The following NDUFS2 variants were observed in gnomAD, a reference collection of about 807,000 sequenced individuals.
The protein encoded by NDUFS2 is NADH:ubiquinone oxidoreductase core subunit S2.
In NDUFS2, 38 loss-of-function variants were observed where a neutral mutation model predicts 69.6. The ratio of observed to expected loss-of-function variants is 0.55; its 90% CI spans 0.42 to 0.72. The LOEUF is 0.72. Among genes scored for constraint, NDUFS2 ranks in the 30% least tolerant of loss-of-function variants. The probability of loss-of-function intolerance (pLI) is 0.00; values close to 1 mark genes in which losing one functional copy is unlikely to be tolerated. For synonymous variants in NDUFS2, 194 were observed against 211.2 expected (o/e 0.92, Z 0.70); for missense variants, 468 against 595.0 (o/e 0.79, Z 2.22).
Position 161,203,097 on chromosome 1 carries a change from G to A in NDUFS2, c.96-340G>A, listed in dbSNP as rs1344458300. 4.6e-5 allele frequency among the ~76,000 whole-genome samples: 7 copies of A among 151,988 alleles called. No homozygotes were observed. In the East Asian group the frequency reaches 1.2e-3, roughly 25 times the overall value. On this transcript the variant is annotated intron_variant, in intron 1 of 13. Transcript: ENST00000676972. ...CTAGGCGGGCAGATCATCTGAGGTC[G>A]GGAGTTCGAGACCATCCTGACCAAA...
chr1:161,209,242 A>T lies in NDUFS2; in HGVS notation c.443A>T (p.Glu148Val). ...GACTATGTGTCCATGATGTGTAACG[A>T]ACAGGCCTATTCTCTAGCTGTGGAG... ...RLDYVSMMCN[E>V]QAYSLAVEKL... The change falls in exon 4 of 14, where the codon GAA becomes GTA. Residue 148 changes from glutamate (E) to valine (V), a missense_variant. Glu to Val is a moderately radical substitution (Grantham distance 121). Coordinates refer to ENST00000676972, the MANE Select transcript of NDUFS2 (RefSeq NM_001377299.1). 6.2e-7 allele frequency: 1 copy of T among 1,614,166 alleles called. No individual in the cohort carries two copies. The highest frequency in any genetic ancestry group is 1.1e-5 in the South Asian group (1 of 91,082).
rs1311302831 is a variant in NDUFS2, at chr1:161,202,399, G to A, written c.14G>A (p.Arg5Lys). MAAL[R>K]ALCGFRGVAA... is the part of the protein sequence containing the mutation. ...AGCCGGAGTAAGATGGCGGCGCTGA[G>A]GGCTTTGTGCGGCTTCCGGGGCGTC... Residue 5 changes from arginine (R) to lysine (K), a missense_variant, in exon 1 of 14, where the codon AGG becomes AAG. Physicochemically the swap from Arg to Lys is conservative, Grantham distance 26. Transcript: ENST00000676972. The A allele has an allele frequency of 6.8e-6, 11 of 1,612,246 alleles. No homozygotes were observed. Among genetic ancestry groups the A allele is most frequent in the Non-Finnish European group, 7.6e-6 (9 of 1,179,504 alleles).
chr1:161,198,825 G>A (rs1488778030), upstream of NDUFS2: 3 of 523,816 alleles, frequency 5.7e-6, no homozygotes, highest in African/African-American at 5.7e-5. The surrounding 1 kb of genome is among the most constrained non-coding windows in gnomAD (Gnocchi z 4.7). Flanking sequence ...AGGTGCCCAG[G>A]GGTCTGGCTT....
chr1:161,213,268 T>C, intron 10 of NDUFS2, 112 bp from the exon 11 acceptor site: 1 of 727,728 alleles, frequency 1.4e-6, no homozygotes, highest in Non-Finnish European at 2.5e-6. Flanking sequence ...GCTTACTGAC[T>C]GACATGTGGC....
In NDUFS2 at chr1:161,206,563, C is replaced by A; in HGVS notation, c.359C>A (p.Thr120Asn). Residue 120 changes from threonine to asparagine, a missense_variant, in exon 3 of 14, where the codon ACT (threonine) becomes AAT (asparagine). Transcript: ENST00000676972. ...CACATCGGGCTCCTGCACCGAGGCA[C>A]TGAGAAGCTCATTGAATACAAGACC... ...DPHIGLLHRG[T>N]EKLIEYKTYL... 6.2e-7 allele frequency: 1 copy of A among 1,614,058 alleles called. No individual in the cohort carries two copies. Among genetic ancestry groups the A allele is most frequent in the Non-Finnish European group, 8.5e-7 (1 of 1,180,028 alleles).
upstream of NDUFS2, chr1:161,202,264 A>G: frequency 1.0e-6 from 1 of 980,432 alleles, no homozygotes; most frequent in Non-Finnish European, 1.6e-6. Flanking sequence ...TTCGACGGTA[A>G]ACGACCCTGC....
chr1:161,202,337 G>C (rs1457696344), upstream of NDUFS2: 5 of 1,559,690 alleles, frequency 3.2e-6, no homozygotes, highest in Non-Finnish European at 4.4e-6. Flanking sequence ...AGGCGCGCTG[G>C]AGTTACTTCC....
chr1:161,202,080 G>C, upstream of NDUFS2: 1 of 476,018 alleles, frequency 2.1e-6, no homozygotes, highest in South Asian at 2.1e-5. Context: ...ACGCAGGCGG[G>C]CTCGGCGAGA....
chr1:161,212,267 T>C lies in NDUFS2; in HGVS notation c.987-84T>C, dbSNP rs1368514900. 13 of 1,573,232 alleles carry C rather than the reference T, an allele frequency of 8.3e-6. No homozygotes were observed. The Admixed American group carries it at 1.2e-4, about 14-fold the overall frequency. ...AGTGGGGAGAGTTGACCTAACCCTT[T>C]TGAGGTTGGCCAAAGGGCATCCTTC... On this transcript the variant is annotated intron_variant, in intron 9 of 13. Coordinates refer to ENST00000676972, the MANE Select transcript of NDUFS2 (RefSeq NM_001377299.1).
Position 161,202,735 on chromosome 1 carries a change from C to T in NDUFS2, c.95+255C>T, listed in dbSNP as rs10908826. On this transcript the variant is annotated intron_variant, in intron 1 of 13. Coordinates refer to ENST00000676972, the MANE Select transcript of NDUFS2 (RefSeq NM_001377299.1). ...GCTTCAGTAATTTGAATGCACCTCTCCTGTCATACCTGAGTAGAGCTCAGC... is the reference window on the plus strand; with the variant it reads ...GCTTCAGTAATTTGAATGCACCTCTTCTGTCATACCTGAGTAGAGCTCAGC... Among the ~76,000 whole-genome samples, 18,790 of 152,144 alleles carry T rather than the reference C, an allele frequency of 0.12. 1,464 individuals carry two copies. The highest frequency in any genetic ancestry group is 0.33 in the East Asian group (1,697 of 5,166).
At chr1:161,209,759 G>A in intron 5 of NDUFS2, 98 bp from the exon 6 acceptor site, 2 of 1,377,058 alleles carry the variant, frequency 1.5e-6, no homozygotes, top group South Asian at 1.2e-5. Flanking sequence ...ATCATGAGGG[G>A]TTGGTTGGGC....
rs1326995254 is a variant in NDUFS2, at chr1:161,209,481, A to G, written c.515-2A>G. 6.2e-7 allele frequency: 1 copy of G among 1,613,556 alleles called. No individual in the cohort carries two copies. Among genetic ancestry groups the G allele is most frequent in the Admixed American group, 1.7e-5 (1 of 59,968 alleles). ...TATCCTGTCTTCTCCTTGTCTTCACAGTGCTGTTTGGAGAAATCACACGTT... is the reference window on the plus strand; with the variant it reads ...TATCCTGTCTTCTCCTTGTCTTCACGGTGCTGTTTGGAGAAATCACACGTT... On this transcript the variant is annotated splice_acceptor_variant, in intron 4 of 13. Coordinates refer to ENST00000676972, the MANE Select transcript of NDUFS2 (RefSeq NM_001377299.1). LOFTEE classifies it high-confidence loss of function.
chr1:161,200,597 C>A, upstream of NDUFS2, among the ~76,000 whole-genome samples: 1 of 152,064 alleles, frequency 6.6e-6, no homozygotes, highest in East Asian at 1.9e-4. Context: ...TAATACCTGC[C>A]CTGGTGCCTA....
rs768084746 is a variant in NDUFS2, at chr1:161,210,360, A to G, written c.837A>G (p.Thr279=). ...GGACAATTGACATTGGGGTTGTAAC[A>G]GCAGAAGAAGCACTTAACTATGGTT... is the stretch of plus-strand genomic sequence containing the variant. The part of the protein sequence containing the change: ...RNRTIDIGVV[T]AEEALNYGFS... The change falls in exon 8 of 14, where the codon ACA becomes ACG. Residue 279 remains threonine (T), a synonymous_variant. Transcript: ENST00000676972. 1.2e-6 allele frequency: 2 copies of G among 1,614,048 alleles called. No individual in the cohort carries two copies. The highest frequency in any genetic ancestry group is 4.5e-5 in the East Asian group (2 of 44,896).
chr1:161,197,910 A>G (rs1664920829), upstream of NDUFS2: 3 of 1,500,850 alleles, frequency 2.0e-6, no homozygotes, highest in African/African-American at 2.8e-5. Flanking sequence ...CAGAAGTGTA[A>G]GTGGGTGGAG....
intron 3 of NDUFS2, among the ~76,000 whole-genome samples, 178 bp downstream of exon 3, chr1:161,206,775 A>G (rs1665493988): frequency 6.6e-6 from 1 of 151,872 alleles, no homozygotes; most frequent in Non-Finnish European, 1.5e-5. Flanking sequence ...AGTCATTAGG[A>G]TTTGGTTTAT....
chr1:161,209,918 G>GA lies in NDUFS2; in HGVS notation c.690dup (p.Gly231ArgfsTer13), dbSNP rs1665678673. On this transcript the variant is annotated frameshift_variant, in exon 6 of 14. Coordinates refer to ENST00000676972, the MANE Select transcript of NDUFS2 (RefSeq NM_001377299.1). LOFTEE classifies it high-confidence loss of function. ...ATGCATGCTGCTTATATCCGGCCAG[G>GA]AGGAGTGCACCAGGTGAGCAGGTCC... is the stretch of plus-strand genomic sequence containing the variant. The GA allele has an allele frequency of 6.2e-7, 1 of 1,613,956 alleles. No homozygotes were observed. Among genetic ancestry groups the GA allele is most frequent in the African/African-American group, 1.3e-5 (1 of 74,896 alleles).
At chr1:161,206,233 A>G (rs916543105) in intron 2 of NDUFS2, among the ~76,000 whole-genome samples, 174 bp from the exon 3 acceptor site, 4 of 152,186 alleles carry the variant, frequency 2.6e-5, no homozygotes, top group Non-Finnish European at 4.4e-5. Flanking sequence ...GAAAGTTTAG[A>G]TCTTCCTTTT....
At position 161,214,289 on chromosome 1, in the gene NDUFS2, G is replaced by GTGTT. The variant is rs1441140363; in HGVS notation, c.*99_*100insTTGT. On this transcript the variant is annotated 3_prime_UTR_variant, in exon 14 of 14. Coordinates refer to ENST00000676972, the MANE Select transcript of NDUFS2 (RefSeq NM_001377299.1). ...GGCCTCTGTGTGTGTGTGTGTGTGT[G>GTGTT]TGTGTGTGTGTATGTTCATGTACAC... 1 of 1,127,890 alleles carries GTGTT rather than the reference G, an allele frequency of 8.9e-7. No individual in the cohort carries two copies. Among genetic ancestry groups the GTGTT allele is most frequent in the Non-Finnish European group, 1.3e-6 (1 of 749,352 alleles). 69.9% of individuals were successfully genotyped at this position (1,127,890 alleles called of 1,614,324 possible).
Sources: gnomAD v4.1 joint callset for allele counts (sites outside exome capture counted in the v4.1 genomes callset) on GRCh38, gnomAD v4.1.1 for gene constraint, Gnocchi (gnomAD v3.1) non-coding constraint, MANE v1.5 for transcripts, NCBI Gene and HGNC (gene_info 2026-07-23, HGNC 2026-07-21) for gene names.